The following CELF2 variants were observed in gnomAD, a reference collection of about 807,000 sequenced individuals.
CELF2 encodes the protein CUG triplet repeat RNA-binding protein 2.
In CELF2, 8 loss-of-function variants were observed where a neutral mutation model predicts 62.6. That is an observed-to-expected ratio of 0.13 (90% CI 0.07 to 0.23). The LOEUF is 0.23. Among genes scored for constraint, CELF2 ranks in the 10% least tolerant of loss-of-function variants. The pLI is 1.00. For missense variants in CELF2, 333 were observed against 671.0 expected, an observed-to-expected ratio of 0.50 and a Z score of 5.56; for synonymous variants, 258 against 250.0, an observed-to-expected ratio of 1.03 and a Z score of -0.30.
intron 1 of CELF2, among the ~76,000 whole-genome samples, chr10:11,083,601 T>C (rs2074618158): frequency 1.3e-5 from 2 of 152,302 alleles, no homozygotes; most frequent in East Asian, 3.9e-4. Flanking sequence ...CTTTGACCTG[T>C]TTTCTCCTTT....
chr10:11,104,614 C>G (rs933196966), intron 1 of CELF2, among the ~76,000 whole-genome samples: 1 of 151,648 alleles, frequency 6.6e-6, no homozygotes, highest in Non-Finnish European at 1.5e-5. Context: ...CCCAGGAGGC[C>G]GATACTGCCC....
At chr10:10,770,418 G>A in the CELF2 span, among the ~76,000 whole-genome samples, 1 of 151,998 alleles carries the variant, frequency 6.6e-6, no homozygotes, top group African/African-American at 2.4e-5. Flanking sequence ...GTCTGCTGGG[G>A]TGGAGGCACT....
rs896450137 is a variant in CELF2, at chr10:11,144,881, G to A, written c.75-20605G>A. Among the ~76,000 whole-genome samples, 7 of 122,494 alleles carry A rather than the reference G, an allele frequency of 5.7e-5. 1 individual carries two copies. In the Middle Eastern group the frequency reaches 0.021, roughly 370 times the overall value. 80.4% of individuals were successfully genotyped at this position (122,494 alleles called of 152,430 possible). A position where few individuals can be genotyped will look rare whatever the true frequency, so the allele number is the denominator to read the frequency against. ...CACTTAAGCCTGGGCAACAGAGGGA[G>A]ACCCTGTCTCAGGAAACAGAAAAAA... On this transcript the variant is annotated intron_variant, in intron 1 of 12. Transcript: ENST00000633077.
intron 4 of CELF2, among the ~76,000 whole-genome samples, chr10:11,253,658 T>A (rs2077793977): frequency 6.6e-6 from 1 of 150,412 alleles, no homozygotes; most frequent in African/African-American, 2.4e-5. Flanking sequence ...CAATTAGAGA[T>A]TTTTTTTTTA....
rs2096039963 is a variant in CELF2, at chr10:11,332,229, G to C, written c.*3176G>C. ...AGATCACGTTTAGTGCTATGTCCTA[G>C]TCTAGAATATTTTCATATACCTTGC... On this transcript the variant is annotated 3_prime_UTR_variant, in exon 13 of 13. Coordinates refer to ENST00000633077, the MANE Select transcript of CELF2 (RefSeq NM_001326342.2). 1 of 152,198 alleles carries C rather than the reference G, an allele frequency of 6.6e-6. No homozygotes were observed. Among genetic ancestry groups the C allele is most frequent in the Non-Finnish European group, 1.5e-5 (1 of 68,024 alleles). 9.4% of individuals were successfully genotyped at this position (152,198 alleles called of 1,614,324 possible). A position where few individuals can be genotyped will look rare whatever the true frequency, so the allele number is the denominator to read the frequency against.
intron 1 of CELF2, among the ~76,000 whole-genome samples, chr10:10,917,468 T>C (rs564855878): frequency 6.6e-6 from 1 of 152,006 alleles, no homozygotes; most frequent in Admixed American, 6.6e-5. Context: ...GCCTCCCAAG[T>C]AGCTAGGATT....
chr10:10,687,330 A>G, the CELF2 span, among the ~76,000 whole-genome samples: 1 of 152,368 alleles, frequency 6.6e-6, no homozygotes, highest in Non-Finnish European at 1.5e-5. Context: ...CTCTTTAAAA[A>G]TTTATTTCCT....
rs573204250 is a variant in CELF2 at position 10,967,556 on chromosome 10, G to A, written c.89+47557G>A. On this transcript the variant is annotated intron_variant, in intron 2 of 13. Coordinates refer to the CELF2 transcript ENST00000636488. ...AGCCAGAAAAGGCGGGGAGGGTGGT[G>A]AGGCCACAATACATGTGTGACCCTG... 5.3e-5 allele frequency among the ~76,000 whole-genome samples: 8 copies of A among 152,324 alleles called. No homozygotes were observed. In the South Asian group the frequency reaches 1.2e-3, roughly 24 times the overall value.
chr10:10,709,258 G>A, the CELF2 span, among the ~76,000 whole-genome samples: 2 of 152,168 alleles, frequency 1.3e-5, no homozygotes, highest in Non-Finnish European at 2.9e-5. Context: ...AAAATGCCAA[G>A]GTAAAGACTG....
At chr10:11,138,478 T>C (rs2060787537) in intron 1 of CELF2, among the ~76,000 whole-genome samples, 1 of 152,200 alleles carries the variant, frequency 6.6e-6, no homozygotes, top group African/African-American at 2.4e-5. Flanking sequence ...GGTCTCTTCC[T>C]TGACAGACTT....
the CELF2 span, among the ~76,000 whole-genome samples, chr10:10,620,375 G>A: frequency 8.7e-5 from 13 of 149,322 alleles, no homozygotes; most frequent in Middle Eastern, 3.5e-3. Flanking sequence ...CCCAGGAGGC[G>A]GAGGTTGCAG....
In CELF2 at chr10:11,269,333, T is replaced by TTTTTCTCAC. The variant is rs1439173565; in HGVS notation, c.619-1328_619-1320dup. On this transcript the variant is annotated intron_variant, in intron 6 of 12. Coordinates refer to ENST00000633077, the MANE Select transcript of CELF2 (RefSeq NM_001326342.2). The surrounding 1 kb of genome is among the most constrained non-coding windows in gnomAD (Gnocchi z 4.4). ...GTTTAACACTGAAATATTCATCTCA[T>TTTTTCTCAC]TTTTCTCACTTTTTTTTATTAACAG... 6.6e-6 allele frequency among the ~76,000 whole-genome samples: 1 copy of TTTTTCTCAC among 152,178 alleles called. No homozygotes were observed. The highest frequency in any genetic ancestry group is 1.5e-5 in the Non-Finnish European group (1 of 68,040).
exon 1 of CELF2, chr10:10,798,663 G>T: frequency 2.5e-6 from 1 of 398,544 alleles, no homozygotes; most frequent in South Asian, 1.3e-4. Context: ...GGGAGCCGCG[G>T]GGCGCCAGGG....
the CELF2 span, among the ~76,000 whole-genome samples, chr10:10,750,918 C>G: frequency 2.0e-5 from 3 of 152,178 alleles, no homozygotes; most frequent in Non-Finnish European, 2.9e-5. Flanking sequence ...CATTCTTATT[C>G]CAACTTAGAC....
chr10:10,827,281 G>C (rs2057471605), intron 1 of CELF2, among the ~76,000 whole-genome samples: 1 of 152,134 alleles, frequency 6.6e-6, no homozygotes, highest in Non-Finnish European at 1.5e-5. Context: ...TCTCAATAAT[G>C]GGGTACTCAG....
rs946803588 is a variant in CELF2 at position 11,224,600 on chromosome 10, T to G, written c.354+7093T>G. ...AAGGAGGTGAGCCATGATAATCAAATGATGAAAGGAGAAGTTTGATATACA... is the reference window on the plus strand; with the variant it reads ...AAGGAGGTGAGCCATGATAATCAAAGGATGAAAGGAGAAGTTTGATATACA... On this transcript the variant is annotated intron_variant, in intron 3 of 12. Transcript: ENST00000633077. The surrounding 1 kb of genome is among the most constrained non-coding windows in gnomAD (Gnocchi z 4.5). Among the ~76,000 whole-genome samples, 1 of 152,188 alleles carries G rather than the reference T, an allele frequency of 6.6e-6. No homozygotes were observed. The highest frequency in any genetic ancestry group is 2.4e-5 in the African/African-American group (1 of 41,430).
At chr10:10,492,417 A>G in the CELF2 span, among the ~76,000 whole-genome samples, 14 of 152,200 alleles carry the variant, frequency 9.2e-5, no homozygotes, top group Admixed American at 9.2e-4. Flanking sequence ...ATATGTAACA[A>G]ACCTGCACGT....
chr10:10,904,196 C>T (rs1002394042), intron 1 of CELF2, among the ~76,000 whole-genome samples: 9 of 151,672 alleles, frequency 5.9e-5, no homozygotes, highest in Middle Eastern at 3.2e-3. Flanking sequence ...ATTTTTATCA[C>T]GCAATATGCC....
chr10:10,472,301 A>G, the CELF2 span, among the ~76,000 whole-genome samples: 15 of 151,804 alleles, frequency 9.9e-5, no homozygotes, highest in East Asian at 3.9e-4. Flanking sequence ...TATTCTTCAA[A>G]TTGGGTAATT....
Sources: allele counts gnomAD v4.1 joint callset (sites outside exome capture counted in the v4.1 genomes callset), GRCh38; gene constraint gnomAD v4.1.1; non-coding constraint Gnocchi (gnomAD v3.1); transcripts MANE v1.5; gene names NCBI Gene and HGNC (gene_info 2026-07-23, HGNC 2026-07-21).